Variants in LRRC71 observed in about 807,000 individuals in gnomAD.
LRRC71 encodes leucine-rich repeat-containing protein 71.
In LRRC71, 54 loss-of-function variants were observed where a neutral mutation model predicts 66.6. That is an observed-to-expected ratio of 0.81 (90% CI 0.65 to 1.02). The LOEUF is 1.02. Ranked by LOEUF, LRRC71 falls within the 50% of genes least tolerant of loss-of-function variation. The pLI is 0.00. For missense variants in LRRC71, 724 were observed against 718.0 expected (o/e 1.01, Z -0.10); for synonymous variants, 323 against 303.9 (o/e 1.06, Z -0.65).
At chr1:156,927,872 T>G (rs749900433) in intron 8 of LRRC71, 43 bp from the exon 9 acceptor site, 1 of 1,610,804 alleles carries the variant, frequency 6.2e-7, no homozygotes, top group Non-Finnish European at 8.5e-7. Context: ...GAGCCGACCC[T>G]GACTACCCAG....
downstream of LRRC71, among the ~76,000 whole-genome samples, chr1:156,937,674 G>A (rs543232304): frequency 2.6e-5 from 4 of 152,268 alleles, no homozygotes; most frequent in African/African-American, 9.6e-5. Flanking sequence ...CCCTGCTCCC[G>A]AGACCTTCTA....
intron 5 of LRRC71, among the ~76,000 whole-genome samples, chr1:156,926,528 C>T (rs1318346181): frequency 6.6e-6 from 1 of 152,034 alleles, no homozygotes; most frequent in Non-Finnish European, 1.5e-5. Flanking sequence ...CTGCCATGTT[C>T]TGTTCATTAG....
the LRRC71 span, chr1:156,938,411 T>C: frequency 6.2e-7 from 1 of 1,611,838 alleles, no homozygotes; most frequent in Non-Finnish European, 8.5e-7. Context: ...AAGGAGAAAG[T>C]TATTACCCGT....
At chr1:156,927,858 G>A (rs1056651250) in intron 8 of LRRC71, 42 bp downstream of exon 8, 36 of 1,611,016 alleles carry the variant, frequency 2.2e-5, no homozygotes, top group Non-Finnish European at 2.8e-5. Flanking sequence ...TGGGCGGGCC[G>A]AGGGAGCCGA....
chr1:156,927,666 G>A lies in LRRC71; in HGVS notation c.822+11G>A, dbSNP rs1485994824. The A allele has an allele frequency of 2.5e-6, 4 of 1,606,750 alleles. No individual in the cohort carries two copies. The highest frequency in any genetic ancestry group is 3.4e-6 in the Non-Finnish European group (4 of 1,178,310). On this transcript the variant is annotated intron_variant, in intron 7 of 14. Coordinates refer to ENST00000337428, the MANE Select transcript of LRRC71 (RefSeq NM_144702.3). ...GGCTACATCGCGGACGTGAGTGCAC[G>A]GCGGGGAGGGACCTGCTGGGAGCAG...
chr1:156,924,365 G>T, intron 2 of LRRC71, 59 bp from the exon 3 acceptor site: 1 of 1,522,940 alleles, frequency 6.6e-7, no homozygotes. Flanking sequence ...CCCGTGGGCC[G>T]GCCCGGCGTG....
chr1:156,935,684 C>T (rs1255280420), downstream of LRRC71: 3 of 297,278 alleles, frequency 1.0e-5, no homozygotes, highest in Admixed American at 5.0e-5. Flanking sequence ...CACATACAGG[C>T]GTGCGCGTGT....
Position 156,927,509 on chromosome 1 carries a change from T to C in LRRC71, c.676T>C (p.Ser226Pro), listed in dbSNP as rs1173680534. Reference sequence around the variant, plus strand: ...CGGCTGCCCCAGGATTGCGCACTTGTCTCTGCGGAACAATAACATCGACGA... The same window carrying C: ...CGGCTGCCCCAGGATTGCGCACTTGCCTCTGCGGAACAATAACATCGACGA... ...MALDSTIAHL[S>P]LRNNNIDDRG... The change falls in exon 7 of 15, where the codon TCT becomes CCT. Residue 226 changes from serine (S) to proline (P), a missense_variant. By Grantham distance (74) the Ser-to-Pro change is moderately conservative. Coordinates refer to ENST00000337428, the MANE Select transcript of LRRC71 (RefSeq NM_144702.3). The C allele has an allele frequency of 1.3e-6, 2 of 1,532,624 alleles. No individual in the cohort carries two copies. Among genetic ancestry groups the C allele is most frequent in the Non-Finnish European group, 1.8e-6 (2 of 1,139,766 alleles). The allele number at this position is 1,532,624 out of a possible 1,614,324, so 94.9% of individuals were successfully genotyped here. A position where few individuals can be genotyped will look rare whatever the true frequency, so the allele number is the denominator to read the frequency against.
chr1:156,921,843 G>A lies in LRRC71; in HGVS notation c.160+880G>A, dbSNP rs534086331. 1.0e-3 allele frequency among the ~76,000 whole-genome samples: 159 copies of A among 152,150 alleles called. 1 individual carries two copies. Among genetic ancestry groups the A allele is most frequent in the African/African-American group, 3.8e-3 (156 of 41,494 alleles). On this transcript the variant is annotated intron_variant, in intron 1 of 14. Transcript: ENST00000337428. The stretch of plus-strand genomic sequence containing the variant: ...GGACTATTTCAACAGCCTAGTCTGG[G>A]GACAGTGGGAGTTGGGATAGGGCAG...
At chr1:156,928,491 C>CTCTTCTTCTTCCTCTTCCTCCTCCTCT (rs58242836) in intron 9 of LRRC71, among the ~76,000 whole-genome samples, 1 of 137,908 alleles carries the variant, frequency 7.3e-6, no homozygotes, top group African/African-American at 2.9e-5. Context: ...CCTCCTCCTC[C>CTCTTCTTCTTCCTCTTCCTCCTCCTCT]TCTTCTTCCT....
At chr1:156,938,578 A>G in the LRRC71 span, 1 of 1,518,108 alleles carries the variant, frequency 6.6e-7, no homozygotes, top group Non-Finnish European at 9.1e-7. Flanking sequence ...GAAGGGAGAG[A>G]GAACAGGAAG....
At chr1:156,938,234 T>A in the LRRC71 span, among the ~76,000 whole-genome samples, 2 of 152,140 alleles carry the variant, frequency 1.3e-5, no homozygotes, top group Admixed American at 6.5e-5. Context: ...TAAGGCTGGA[T>A]GGACAGCCAG....
chr1:156,939,451 C>T, the LRRC71 span: 1 of 1,557,110 alleles, frequency 6.4e-7, no homozygotes, highest in Admixed American at 1.7e-5. Context: ...TCACACGGTA[C>T]CCAGGGGGAG....
At chr1:156,940,504 C>G in the LRRC71 span, 2 of 1,342,170 alleles carry the variant, frequency 1.5e-6, no homozygotes, top group Admixed American at 4.5e-5. Flanking sequence ...AGCTTTGGAG[C>G]CAAGGGGCTG....
chr1:156,923,944 C>G lies in LRRC71; in HGVS notation c.161-5C>G, dbSNP rs1000129944. The G allele has an allele frequency of 4.4e-5, 66 of 1,488,892 alleles. No individual in the cohort carries two copies. Among genetic ancestry groups the G allele is most frequent in the Admixed American group, 1.8e-4 (8 of 45,064 alleles). 92.2% of individuals were successfully genotyped at this position (1,488,892 alleles called of 1,614,324 possible). Reference sequence around the variant, plus strand: ...CTTCTCTCACGCCCCTGCCTGCCCCCGCAGAGGAGTACCAGTGCTCCGGGG... The same window carrying G: ...CTTCTCTCACGCCCCTGCCTGCCCCGGCAGAGGAGTACCAGTGCTCCGGGG... On this transcript the variant is annotated splice_region_variant and splice_polypyrimidine_tract_variant and intron_variant, in intron 1 of 14. Transcript: ENST00000337428.
chr1:156,928,497 T>TTCC (rs779080739), intron 9 of LRRC71, among the ~76,000 whole-genome samples: 2 of 144,164 alleles, frequency 1.4e-5, no homozygotes, highest in African/African-American at 2.7e-5. Flanking sequence ...CCTCCTCTTC[T>TTCC]TCCTCCTCCT....
the LRRC71 span, chr1:156,940,443 A>C: frequency 2.5e-6 from 4 of 1,588,148 alleles, no homozygotes; most frequent in East Asian, 6.8e-5. Flanking sequence ...GGATGAGAGA[A>C]GATTGTAAGG....
chr1:156,925,115 T>C (rs931932524), intron 5 of LRRC71, 100 bp downstream of exon 5: 2 of 1,060,510 alleles, frequency 1.9e-6, no homozygotes, highest in African/African-American at 3.2e-5. Flanking sequence ...CCAGCTCCTG[T>C]GGGCCTGCCT....
intron 1 of LRRC71, 48 bp from the exon 2 acceptor site, chr1:156,923,901 C>G: frequency 1.4e-6 from 2 of 1,418,488 alleles, no homozygotes; most frequent in South Asian, 1.5e-5. Context: ...CTTGGGGATG[C>G]GGGGGTGGGC....
Sources: allele counts gnomAD v4.1 joint callset (sites outside exome capture counted in the v4.1 genomes callset), GRCh38; gene constraint gnomAD v4.1.1; transcripts MANE v1.5; gene names NCBI Gene and HGNC (gene_info 2026-07-23, HGNC 2026-07-21).